LRRC37A2: variants seen among roughly 807,000 people sequenced by gnomAD.
LRRC37A2 encodes the protein leucine-rich repeat-containing protein 37A2.
Under a neutral mutation model 68.8 loss-of-function variants are expected in LRRC37A2, and 9 were observed. The observed-to-expected ratio is 0.13, with a 90% CI of 0.08 to 0.23. The LOEUF (loss-of-function observed/expected upper bound fraction) is 0.23, where lower values mean the gene tolerates loss of function less well. Ranked by LOEUF, LRRC37A2 falls within the 10% of genes least tolerant of loss-of-function variation. The pLI is 1.00. For synonymous variants in LRRC37A2, 63 were observed against 367.6 expected (o/e 0.17, Z 9.48); for missense variants, 168 against 950.4 (o/e 0.18, Z 10.82).
At chr17:46,974,359 A>C in the LRRC37A2 span, among the ~76,000 whole-genome samples, 3,038 of 152,328 alleles carry the variant, frequency 0.02, 47 homozygotes, top group Middle Eastern at 0.037. Context: ...AAGATCAGTA[A>C]ACAGAATCTT....
the LRRC37A2 span, among the ~76,000 whole-genome samples, chr17:46,903,274 T>A: frequency 3.7e-4 from 39 of 105,932 alleles, 1 homozygote; most frequent in South Asian, 0.012. Context: ...AGAGTGTGAC[T>A]CTGTCTCAAA....
At chr17:46,847,105 A>G in the LRRC37A2 span, among the ~76,000 whole-genome samples, 1 of 152,244 alleles carries the variant, frequency 6.6e-6, no homozygotes, top group South Asian at 2.1e-4. Flanking sequence ...AAATGCAAGG[A>G]AGATAAAAAC....
chr17:47,043,361 T>C, the LRRC37A2 span, among the ~76,000 whole-genome samples: 1 of 151,332 alleles, frequency 6.6e-6, no homozygotes, highest in African/African-American at 2.4e-5. Context: ...TGACAGGGCA[T>C]GGTGGCGGGC....
the LRRC37A2 span, among the ~76,000 whole-genome samples, chr17:46,815,676 A>C: frequency 1.3e-5 from 2 of 152,280 alleles, no homozygotes; most frequent in East Asian, 3.9e-4. Context: ...AAAGAAAAAC[A>C]ACCTCAGAGA....
At chr17:46,894,396 G>C in the LRRC37A2 span, among the ~76,000 whole-genome samples, 1 of 152,222 alleles carries the variant, frequency 6.6e-6, no homozygotes, top group Non-Finnish European at 1.5e-5. Flanking sequence ...GGCCTCATAA[G>C]ATTCCAATGT....
chr17:46,896,604 C>T, the LRRC37A2 span, among the ~76,000 whole-genome samples: 1 of 152,218 alleles, frequency 6.6e-6, no homozygotes, highest in East Asian at 1.9e-4. Context: ...GACCCTGTTT[C>T]AAACAAACAC....
At chr17:46,905,097 G>A in the LRRC37A2 span, among the ~76,000 whole-genome samples, 1 of 151,672 alleles carries the variant, frequency 6.6e-6, no homozygotes, top group Non-Finnish European at 1.5e-5. Flanking sequence ...TTTGAGATGG[G>A]GTTTCGCTCT....
At chr17:46,755,722 ATT>A in the LRRC37A2 span, 121,399 of 1,006,606 alleles carry the variant, frequency 0.12, 1,238 homozygotes, top group East Asian at 0.41. Flanking sequence ...GCTTTTAGTG[ATT>A]TTTTTTTTTT....
At chr17:46,734,567 G>A in the LRRC37A2 span, among the ~76,000 whole-genome samples, 3 of 152,114 alleles carry the variant, frequency 2.0e-5, no homozygotes, top group Non-Finnish European at 2.9e-5. Context: ...ACATATCTCT[G>A]AGGACAAAGG....
chr17:46,934,174 C>A, the LRRC37A2 span, among the ~76,000 whole-genome samples: 1 of 152,184 alleles, frequency 6.6e-6, no homozygotes, highest in Non-Finnish European at 1.5e-5. Flanking sequence ...CACTGGACTT[C>A]CAGCTCTGTG....
chr17:46,980,174 G>A, the LRRC37A2 span, among the ~76,000 whole-genome samples: 1 of 144,686 alleles, frequency 6.9e-6, no homozygotes, highest in Non-Finnish European at 1.5e-5. Flanking sequence ...GCCCCAGAAT[G>A]TGCATTTCTA....
the LRRC37A2 span, among the ~76,000 whole-genome samples, chr17:47,031,900 TG>T: frequency 4.8e-5 from 7 of 145,012 alleles, no homozygotes; most frequent in Non-Finnish European, 7.6e-5. Context: ...CATCATGTTT[TG>T]GTATGTACTG....
At chr17:46,952,532 CAATAAGATATGGGCAGAAG>C in the LRRC37A2 span, 2 of 152,116 alleles carry the variant, frequency 1.3e-5, no homozygotes, top group African/African-American at 2.4e-5. Context: ...CAATTCTGGT[CAATAAGATATGGGCAGAAG>C]TTGCTGGGAG....
the LRRC37A2 span, among the ~76,000 whole-genome samples, chr17:46,768,966 A>G: frequency 6.6e-6 from 1 of 152,192 alleles, no homozygotes; most frequent in Admixed American, 6.5e-5. The surrounding 1 kb of genome is among the most constrained non-coding windows in gnomAD (Gnocchi z 5.0). Flanking sequence ...AATAGTGACC[A>G]TGTTTCCCTC....
chr17:47,021,057 G>A, the LRRC37A2 span, among the ~76,000 whole-genome samples: 2 of 152,196 alleles, frequency 1.3e-5, no homozygotes, highest in South Asian at 2.1e-4. Context: ...GTAGACCAAC[G>A]TGGTTACAAA....
chr17:46,975,151 ACAT>A, the LRRC37A2 span: 2 of 152,064 alleles, frequency 1.3e-5, no homozygotes, highest in African/African-American at 4.8e-5. Flanking sequence ...TTCTTCAAAC[ACAT>A]CATGTCGTGA....
At chr17:46,755,757 A>G in the LRRC37A2 span, 1 of 1,461,100 alleles carries the variant, frequency 6.8e-7, no homozygotes, top group Non-Finnish European at 9.1e-7. Context: ...ATAGTTTTTT[A>G]CGGACCCTCA....
At chr17:46,822,395 G>C in the LRRC37A2 span, among the ~76,000 whole-genome samples, 1 of 152,352 alleles carries the variant, frequency 6.6e-6, no homozygotes, top group Non-Finnish European at 1.5e-5. Flanking sequence ...GGAAGCCCCT[G>C]ACCTGCACCG....
chr17:46,942,708 G>T, the LRRC37A2 span, among the ~76,000 whole-genome samples: 12 of 152,236 alleles, frequency 7.9e-5, no homozygotes, highest in Non-Finnish European at 1.8e-4. Flanking sequence ...TTGCCCCTAG[G>T]GGGCGGCATA....
Sources: allele counts gnomAD v4.1 joint callset (sites outside exome capture counted in the v4.1 genomes callset), GRCh38; gene constraint gnomAD v4.1.1; non-coding constraint Gnocchi (gnomAD v3.1); transcripts MANE v1.5; gene names NCBI Gene and HGNC (gene_info 2026-07-23, HGNC 2026-07-21).